The following GRID1 variants were observed in gnomAD, a reference collection of about 807,000 sequenced individuals.
The protein encoded by GRID1 is glutamate receptor ionotropic, delta-1.
GRID1 carries 28 observed loss-of-function variants against 98.0 expected under a neutral mutation model. The observed-to-expected ratio is 0.29, with a 90% CI of 0.21 to 0.39. The LOEUF is 0.39. Ranked by LOEUF, GRID1 falls within the 10% of genes least tolerant of loss-of-function variation. The probability of loss-of-function intolerance (pLI) is 1.00; values close to 1 mark genes in which losing one functional copy is unlikely to be tolerated. For missense variants in GRID1, 1,111 were observed against 1,340.5 expected (o/e 0.83, Z 2.67); for synonymous variants, 553 against 538.5 (o/e 1.03, Z -0.37).
At position 86,161,697 on chromosome 10, in the gene GRID1, T is replaced by G. The variant is rs561395976; in HGVS notation, c.521-22673A>C. On this transcript the variant is annotated intron_variant, in intron 3 of 15. Transcript: ENST00000327946. Reference sequence around the variant, plus strand: ...CACATCTCAGCCACATCACCCTGGTTCTGGGCAGGGTTTTTTGCAAGCAGG... The same window carrying G: ...CACATCTCAGCCACATCACCCTGGTGCTGGGCAGGGTTTTTTGCAAGCAGG... Among the ~76,000 whole-genome samples the G allele has an allele frequency of 2.0e-4, 31 of 152,282 alleles. No individual in the cohort carries two copies. In the South Asian group the frequency reaches 5.6e-3, roughly 28 times the overall value.
chr10:86,137,610 G>A (rs1844947725), intron 4 of GRID1, among the ~76,000 whole-genome samples: 1 of 152,234 alleles, frequency 6.6e-6, no homozygotes, highest in South Asian at 2.1e-4. Flanking sequence ...TATATTCTGA[G>A]AAAGAATGGA....
At chr10:86,148,321 T>C (rs1186771586) in intron 3 of GRID1, among the ~76,000 whole-genome samples, 2 of 152,212 alleles carry the variant, frequency 1.3e-5, no homozygotes, top group African/African-American at 2.4e-5. Flanking sequence ...TTTGCAACAA[T>C]GTGCATGAGC....
intron 8 of GRID1, among the ~76,000 whole-genome samples, chr10:85,756,722 A>T (rs956871800): frequency 6.6e-5 from 10 of 152,346 alleles, no homozygotes; most frequent in African/African-American, 2.4e-4. Flanking sequence ...GACTGTGGGT[A>T]ACTGAAACCA....
At chr10:86,256,618 A>G (rs1043488310) in intron 2 of GRID1, among the ~76,000 whole-genome samples, 2 of 152,040 alleles carry the variant, frequency 1.3e-5, no homozygotes, top group Non-Finnish European at 2.9e-5. Context: ...CTCTCTCTTC[A>G]TATATGTATA....
At chr10:85,791,367 G>A (rs550077891) in intron 8 of GRID1, among the ~76,000 whole-genome samples, 15 of 152,330 alleles carry the variant, frequency 9.8e-5, no homozygotes, top group Non-Finnish European at 1.8e-4. Flanking sequence ...TTTTCTGAAA[G>A]TTCCCTTCCA....
chr10:85,643,399 G>A (rs1843147518), intron 13 of GRID1, among the ~76,000 whole-genome samples: 1 of 152,046 alleles, frequency 6.6e-6, no homozygotes, highest in Admixed American at 6.6e-5. Flanking sequence ...GATTCAAGTC[G>A]TCATCCTCAC....
At chr10:85,728,652 T>G (rs1021390881) in intron 9 of GRID1, among the ~76,000 whole-genome samples, 1 of 152,194 alleles carries the variant, frequency 6.6e-6, no homozygotes, top group Non-Finnish European at 1.5e-5. Flanking sequence ...CTATGCCACA[T>G]GTGAGCGAGG....
Position 85,623,401 on chromosome 10 carries a change from C to A in GRID1, c.2194-3368G>T, listed in dbSNP as rs146165292. Among the ~76,000 whole-genome samples the A allele has an allele frequency of 3.7e-3, 559 of 152,312 alleles. 2 individuals carry two copies. Among genetic ancestry groups the A allele is most frequent in the Non-Finnish European group, 6.3e-3 (430 of 68,034 alleles). On this transcript the variant is annotated intron_variant, in intron 13 of 15. Transcript: ENST00000327946. Reference sequence around the variant, plus strand: ...TGTTTCCTTGCAGAATGAGCTCCATCCTGCCCCACAAAAACTCTAAGCTTT... The same window carrying A: ...TGTTTCCTTGCAGAATGAGCTCCATACTGCCCCACAAAAACTCTAAGCTTT...
At chr10:85,741,622 C>T (rs955150678) in intron 8 of GRID1, among the ~76,000 whole-genome samples, 3 of 152,092 alleles carry the variant, frequency 2.0e-5, no homozygotes, top group Non-Finnish European at 4.4e-5. Context: ...TTTTTATGCA[C>T]TCCCTATCTA....
chr10:85,679,014 T>C (rs1047405218), intron 12 of GRID1, among the ~76,000 whole-genome samples: 1 of 152,228 alleles, frequency 6.6e-6, no homozygotes, highest in Admixed American at 6.5e-5. Flanking sequence ...CAAACAACAC[T>C]GATGATTTAA....
rs370348188 is a variant in GRID1 at position 85,659,103 on chromosome 10, C to T, written c.1998-11706G>A. On this transcript the variant is annotated intron_variant, in intron 12 of 15. Coordinates refer to ENST00000327946, the MANE Select transcript of GRID1 (RefSeq NM_017551.3). ...TCTATACTGTGGACAGTTAAGGAAGCCACTGCAGAAAGTATGTCACACATA... is the reference window on the plus strand; with the variant it reads ...TCTATACTGTGGACAGTTAAGGAAGTCACTGCAGAAAGTATGTCACACATA... 9.8e-5 allele frequency among the ~76,000 whole-genome samples: 15 copies of T among 152,290 alleles called. No individual in the cohort carries two copies. The East Asian group carries it at 2.3e-3, about 24-fold the overall frequency.
At chr10:85,706,237 T>C (rs952299002) in intron 12 of GRID1, among the ~76,000 whole-genome samples, 19 of 152,206 alleles carry the variant, frequency 1.2e-4, no homozygotes, top group African/African-American at 4.6e-4. Flanking sequence ...CAAAATCTCC[T>C]TAAGCTGATA....
chr10:86,365,449 G>T lies in GRID1; in HGVS notation c.79+865C>A, dbSNP rs1209087707. On this transcript the variant is annotated intron_variant, in intron 1 of 15. Coordinates refer to ENST00000327946, the MANE Select transcript of GRID1 (RefSeq NM_017551.3). The surrounding 1 kb of genome is among the most constrained non-coding windows in gnomAD (Gnocchi z 4.8). ...CAACTCCCACCCACTCCCCCTCGGC[G>T]CGCCCACTCCCCCTCGGCGCGCCCC... 6.9e-6 allele frequency among the ~76,000 whole-genome samples: 1 copy of T among 145,126 alleles called. No individual in the cohort carries two copies. Among genetic ancestry groups the T allele is most frequent in the Admixed American group, 6.9e-5 (1 of 14,596 alleles).
At chr10:85,817,243 G>A (rs1842724210) in intron 8 of GRID1, among the ~76,000 whole-genome samples, 1 of 152,118 alleles carries the variant, frequency 6.6e-6, no homozygotes, top group Non-Finnish European at 1.5e-5. Context: ...CGGGTCGAAT[G>A]GTAATTCTGT....
At chr10:85,691,705 A>G (rs1270395026) in intron 12 of GRID1, among the ~76,000 whole-genome samples, 1 of 152,032 alleles carries the variant, frequency 6.6e-6, no homozygotes, top group African/African-American at 2.4e-5. Flanking sequence ...CTTTCTCCCA[A>G]ATTTCCCACT....
intron 2 of GRID1, among the ~76,000 whole-genome samples, chr10:86,336,956 TGCCTCA>T (rs1202987855): frequency 6.6e-6 from 1 of 151,510 alleles, no homozygotes; most frequent in Non-Finnish European, 1.5e-5. Flanking sequence ...GCCATTCTCC[TGCCTCA>T]GCCTCCCGAG....
At chr10:86,129,898 A>T (rs1403740837) in intron 4 of GRID1, among the ~76,000 whole-genome samples, 1 of 152,218 alleles carries the variant, frequency 6.6e-6, no homozygotes. Flanking sequence ...CTTGCTCTGG[A>T]CAAGAGATTG....
intron 2 of GRID1, among the ~76,000 whole-genome samples, chr10:86,321,640 G>A (rs567956766): frequency 6.6e-6 from 1 of 152,282 alleles, no homozygotes; most frequent in South Asian, 2.1e-4. Flanking sequence ...CAGCAAGTGA[G>A]GACCCAGAAG....
At chr10:86,199,642 G>C (rs1450499892) in intron 3 of GRID1, among the ~76,000 whole-genome samples, 1 of 152,140 alleles carries the variant, frequency 6.6e-6, no homozygotes, top group Non-Finnish European at 1.5e-5. Flanking sequence ...CGCTCTTTCA[G>C]GGCACCCAGC....
Sources: gnomAD v4.1 joint callset for allele counts (sites outside exome capture counted in the v4.1 genomes callset) on GRCh38, gnomAD v4.1.1 for gene constraint, Gnocchi (gnomAD v3.1) non-coding constraint, MANE v1.5 for transcripts, NCBI Gene and HGNC (gene_info 2026-07-23, HGNC 2026-07-21) for gene names.